The following ACCSL variants were observed in gnomAD, a reference collection of about 807,000 sequenced individuals.
ACCSL encodes the protein probable inactive 1-aminocyclopropane-1-carboxylate synthase-like protein 2.
Under a neutral mutation model 61.7 loss-of-function variants are expected in ACCSL, and 55 were observed. That is an observed-to-expected ratio of 0.89 (90% CI 0.72 to 1.12). The LOEUF (loss-of-function observed/expected upper bound fraction) is 1.12, where lower values mean the gene tolerates loss of function less well. ACCSL is among the 50% of genes most tolerant of loss of function. ACCSL has a pLI of 0.00. For synonymous variants in ACCSL, 258 were observed against 264.3 expected (o/e 0.98, Z 0.23); for missense variants, 632 against 698.0 (o/e 0.91, Z 1.07).
chr11:43,973,468 G>A, the ACCSL span, among the ~76,000 whole-genome samples: 1 of 150,714 alleles, frequency 6.6e-6, no homozygotes, highest in East Asian at 1.9e-4. Flanking sequence ...CTATCTCCTG[G>A]AAAAGAAACC....
the ACCSL span, among the ~76,000 whole-genome samples, chr11:44,019,566 C>G: frequency 1.3e-3 from 196 of 152,144 alleles, 2 homozygotes; most frequent in African/African-American, 4.5e-3. Context: ...AATCTCTATT[C>G]CAATCATTTG....
the ACCSL span, chr11:43,943,644 C>T: frequency 3.8e-5 from 49 of 1,305,490 alleles, no homozygotes; most frequent in East Asian, 2.5e-3. The surrounding 1 kb of genome is among the most constrained non-coding windows in gnomAD (Gnocchi z 4.8). Flanking sequence ...ACCGCTCCAC[C>T]GTGCCCCCCA....
the ACCSL span, chr11:43,943,490 C>T: frequency 7.2e-7 from 1 of 1,386,798 alleles, no homozygotes; most frequent in Non-Finnish European, 9.6e-7. The surrounding 1 kb of genome is among the most constrained non-coding windows in gnomAD (Gnocchi z 4.8). Flanking sequence ...GGCCGCTTTC[C>T]TCGTCCTTGT....
At position 44,056,304 on chromosome 11, in the gene ACCSL, G is replaced by T; in HGVS notation, c.1305G>T (p.Leu435=). The change falls in exon 11 of 14, where the codon CTG becomes CTT. Residue 435 remains leucine, a synonymous_variant. Transcript: ENST00000378832. ...TTTCTGGCATCACCCAGCACAAGCT[G>T]TGTCAACTGCTCCAGAACACAGGTA... ...HSISGITQHK[L]CQLLQNTEWI... 6.2e-7 allele frequency: 1 copy of T among 1,614,034 alleles called. No individual in the cohort carries two copies. Among genetic ancestry groups the T allele is most frequent in the South Asian group, 1.1e-5 (1 of 91,038 alleles).
chr11:43,944,092 C>T, the ACCSL span: 1 of 349,810 alleles, frequency 2.9e-6, no homozygotes, highest in Non-Finnish European at 5.6e-6. Context: ...GTCCAGTGTG[C>T]TCCTGCGTCC....
the ACCSL span, among the ~76,000 whole-genome samples, chr11:43,963,802 T>C: frequency 6.6e-6 from 1 of 152,262 alleles, no homozygotes; most frequent in Non-Finnish European, 1.5e-5. Context: ...GACAACTAGG[T>C]TATCTGTTGC....
the ACCSL span, among the ~76,000 whole-genome samples, chr11:43,978,831 A>G: frequency 0.28 from 36,192 of 129,292 alleles, 5,047 homozygotes; most frequent in Non-Finnish European, 0.3. Context: ...AAAAGGGAGA[A>G]CTGTTCCTCT....
At chr11:43,993,631 G>A in the ACCSL span, among the ~76,000 whole-genome samples, 8 of 152,058 alleles carry the variant, frequency 5.3e-5, no homozygotes, top group Admixed American at 2.6e-4. Context: ...CCTCCTGGAC[G>A]CCCCTTGCCG....
the ACCSL span, chr11:43,943,428 G>T: frequency 6.9e-7 from 1 of 1,446,346 alleles, no homozygotes; most frequent in Non-Finnish European, 9.2e-7. The surrounding 1 kb of genome is among the most constrained non-coding windows in gnomAD (Gnocchi z 4.8). Flanking sequence ...GCTGCGAACC[G>T]GTCGGTGCGC....
chr11:43,924,313 G>A, the ACCSL span, among the ~76,000 whole-genome samples: 1 of 152,254 alleles, frequency 6.6e-6, no homozygotes, highest in Non-Finnish European at 1.5e-5. Flanking sequence ...GCTGTGGCCT[G>A]TGGGACCTCC....
the ACCSL span, among the ~76,000 whole-genome samples, chr11:43,989,975 C>T: frequency 6.6e-6 from 1 of 152,242 alleles, no homozygotes; most frequent in Admixed American, 6.5e-5. Flanking sequence ...AAGTGGTGGC[C>T]CCACATGCTG....
the ACCSL span, among the ~76,000 whole-genome samples, chr11:43,939,884 G>A: frequency 8.5e-5 from 13 of 152,182 alleles, no homozygotes; most frequent in Non-Finnish European, 8.8e-5. Context: ...TGGGATTACA[G>A]GCATGAGCCA....
In ACCSL at chr11:44,059,971, C is replaced by G; in HGVS notation, c.*51C>G. Reference sequence around the variant, plus strand: ...CCAGCCCATCACTTGCTCAGGGACCCCCTAATGTCAGCCTCTGGCCCAGAA... The same window carrying G: ...CCAGCCCATCACTTGCTCAGGGACCGCCTAATGTCAGCCTCTGGCCCAGAA... On this transcript the variant is annotated 3_prime_UTR_variant, in exon 14 of 14. Coordinates refer to ENST00000378832, the MANE Select transcript of ACCSL (RefSeq NM_001031854.2). 1 of 1,554,520 alleles carries G rather than the reference C, an allele frequency of 6.4e-7. No homozygotes were observed. The highest frequency in any genetic ancestry group is 8.9e-7 in the Non-Finnish European group (1 of 1,128,762).
intron 7 of ACCSL, 105 bp from the exon 8 acceptor site, chr11:44,053,301 C>T: frequency 8.8e-7 from 1 of 1,141,222 alleles, no homozygotes; most frequent in South Asian, 1.4e-5. Context: ...CTTCAAGACC[C>T]TACCTAGGCC....
chr11:43,987,786 C>A, the ACCSL span, among the ~76,000 whole-genome samples: 2 of 152,174 alleles, frequency 1.3e-5, no homozygotes, highest in African/African-American at 4.8e-5. Flanking sequence ...TATAATCCAG[C>A]GCTCGGGGGG....
chr11:43,980,749 A>T, the ACCSL span, among the ~76,000 whole-genome samples: 5 of 152,160 alleles, frequency 3.3e-5, no homozygotes, highest in African/African-American at 1.2e-4. Context: ...TCTACTGAAA[A>T]GCTAGTAGCT....
At chr11:44,031,189 A>G in the ACCSL span, among the ~76,000 whole-genome samples, 1 of 152,126 alleles carries the variant, frequency 6.6e-6, no homozygotes, top group Non-Finnish European at 1.5e-5. Flanking sequence ...CCATGAGATA[A>G]TGTGTGTAAA....
intron 1 of ACCSL, among the ~76,000 whole-genome samples, chr11:44,049,226 C>A (rs1246429536): frequency 6.6e-6 from 1 of 151,828 alleles, no homozygotes; most frequent in East Asian, 1.9e-4. Flanking sequence ...TCGAGACCAG[C>A]CAGGGCAACA....
At chr11:43,957,532 C>T in the ACCSL span, among the ~76,000 whole-genome samples, 1,727 of 152,200 alleles carry the variant, frequency 0.011, 33 homozygotes, top group African/African-American at 0.038. Context: ...CCTTAAAAGG[C>T]GTCAGACTCT....
Sources: allele counts gnomAD v4.1 joint callset (sites outside exome capture counted in the v4.1 genomes callset), GRCh38; gene constraint gnomAD v4.1.1; non-coding constraint Gnocchi (gnomAD v3.1); transcripts MANE v1.5; gene names NCBI Gene and HGNC (gene_info 2026-07-23, HGNC 2026-07-21).